Variants in FOXN1 observed in about 807,000 individuals in gnomAD.
FOXN1 encodes forkhead box N1.
In FOXN1, 15 loss-of-function variants were observed where a neutral mutation model predicts 49.0. That is an observed-to-expected ratio of 0.31 (90% CI 0.20 to 0.47). The LOEUF is 0.47. Among genes scored for constraint, FOXN1 ranks in the 20% least tolerant of loss-of-function variants. The pLI is 1.00. For synonymous variants in FOXN1, 356 were observed against 369.0 expected, an observed-to-expected ratio of 0.96 and a Z score of 0.40; for missense variants, 800 against 842.8, an observed-to-expected ratio of 0.95 and a Z score of 0.63.
chr17:28,512,064 G>A (rs1310720499), intron 1 of FOXN1, among the ~76,000 whole-genome samples: 3 of 152,182 alleles, frequency 2.0e-5, no homozygotes, highest in African/African-American at 4.8e-5. Context: ...GGGACCCAGA[G>A]CTAATGAGTG....
At chr17:28,533,489 C>G (rs867906026) in intron 6 of FOXN1, among the ~76,000 whole-genome samples, 21 of 150,366 alleles carry the variant, frequency 1.4e-4, no homozygotes, top group South Asian at 1.0e-3. Flanking sequence ...ACGAGCACCC[C>G]CCCCCACTGC....
At chr17:28,518,092 C>T (rs1417725690) in intron 1 of FOXN1, among the ~76,000 whole-genome samples, 1 of 151,998 alleles carries the variant, frequency 6.6e-6, no homozygotes, top group Admixed American at 6.6e-5. Flanking sequence ...GGATCCATAC[C>T]TCCACAGGGT....
At chr17:28,513,280 CA>C (rs1300762128) in intron 1 of FOXN1, among the ~76,000 whole-genome samples, 1 of 151,712 alleles carries the variant, frequency 6.6e-6, no homozygotes, top group Non-Finnish European at 1.5e-5. Flanking sequence ...AACAAACAAA[CA>C]AAAAAAACCA....
At chr17:28,515,410 A>G (rs1191846018) in intron 1 of FOXN1, among the ~76,000 whole-genome samples, 4 of 151,476 alleles carry the variant, frequency 2.6e-5, no homozygotes, top group Non-Finnish European at 5.9e-5. Context: ...ACAGGTGTGC[A>G]CATTTCCAAA....
In FOXN1 at chr17:28,523,792, TTCTCTC is replaced by T. The variant is rs10527420; in HGVS notation, c.-14-129_-14-124del. On this transcript the variant is annotated intron_variant, in intron 1 of 8. Coordinates refer to ENST00000579795, the MANE Select transcript of FOXN1 (RefSeq NM_001369369.1). ...TCTCTTTCTCTCTCTCGCTCTCTGG[TTCTCTC>T]TCTCTCTCTCTCTCTCTCTCTCTCT... 4,991 of 649,976 alleles carry T rather than the reference TTCTCTC, an allele frequency of 7.7e-3. 14 individuals are homozygous for T. The highest frequency in any genetic ancestry group is 0.019 in the African/African-American group (970 of 51,736). 40.3% of individuals were successfully genotyped at this position (649,976 alleles called of 1,614,324 possible). A position where few individuals can be genotyped will look rare whatever the true frequency, so the allele number is the denominator to read the frequency against.
intron 1 of FOXN1, among the ~76,000 whole-genome samples, chr17:28,521,824 A>C (rs554115056): frequency 6.6e-6 from 1 of 152,344 alleles, no homozygotes; most frequent in African/African-American, 2.4e-5. Context: ...TTGATGGTTT[A>C]TTCAGCAAAG....
Position 28,524,550 on chromosome 17 carries a change from A to G in FOXN1, c.171A>G (p.Pro57=), listed in dbSNP as rs142380525. The G allele has an allele frequency of 2.2e-5, 35 of 1,613,566 alleles. No individual in the cohort carries two copies. The highest frequency in any genetic ancestry group is 1.7e-4 in the Admixed American group (10 of 60,000). The change falls in exon 3 of 9, where the codon CCA becomes CCG. Residue 57 remains proline (P), a synonymous_variant. Coordinates refer to ENST00000579795, the MANE Select transcript of FOXN1 (RefSeq NM_001369369.1). ...CGTCATTTGTGTCCGACGGCCCTCC[A>G]GAGAGGACACCCTCACTGCCCCCAC... ...SCSSFVSDGP[P]ERTPSLPPHS...
At chr17:28,528,705 C>T (rs1422120766) in intron 4 of FOXN1, among the ~76,000 whole-genome samples, 1 of 152,202 alleles carries the variant, frequency 6.6e-6, no homozygotes, top group Non-Finnish European at 1.5e-5. Flanking sequence ...GCCCAGCAAA[C>T]GCCCAGGCTG....
At chr17:28,531,358 C>A (rs2069909687) in intron 6 of FOXN1, among the ~76,000 whole-genome samples, 1 of 152,094 alleles carries the variant, frequency 6.6e-6, no homozygotes, top group African/African-American at 2.4e-5. Flanking sequence ...TGTGGGCTTC[C>A]CAGTCTTTGA....
rs1009025318 is a variant in FOXN1 at position 28,524,419 on chromosome 17, A to T, written c.124-84A>T. 8.3e-6 allele frequency: 10 copies of T among 1,200,704 alleles called. No individual in the cohort carries two copies. In the African/African-American group the frequency reaches 1.5e-4, roughly 18 times the overall value. The allele number at this position is 1,200,704 out of a possible 1,614,324, so 74.4% of individuals were successfully genotyped here. ...CAGAGCTCAGCCATAGACCCCCTTTACCCCAGAACAGAGTAGGGTCCCAGC... is the reference window on the plus strand; with the variant it reads ...CAGAGCTCAGCCATAGACCCCCTTTTCCCCAGAACAGAGTAGGGTCCCAGC... On this transcript the variant is annotated intron_variant, in intron 2 of 8. Transcript: ENST00000579795.
intron 6 of FOXN1, among the ~76,000 whole-genome samples, chr17:28,532,603 G>C (rs1245713327): frequency 6.6e-6 from 1 of 152,222 alleles, no homozygotes; most frequent in Non-Finnish European, 1.5e-5. Flanking sequence ...AAATTCCTTA[G>C]TTCAAAGATC....
rs1468864529 is a variant in FOXN1, at chr17:28,524,732, G to A, written c.353G>A (p.Gly118Asp). ...AGCAGCCCTGGGCGATTCCTCAAGG[G>A]CAGCCACGCGCCCTTCCACCCGTAC... is the stretch of plus-strand genomic sequence containing the variant. ...AASSPGRFLK[G>D]SHAPFHPYKR... Residue 118 changes from glycine (G) to aspartate (D), a missense_variant, in exon 3 of 9, where the codon GGC becomes GAC. By Grantham distance (94) the Gly-to-Asp change is moderately conservative. Transcript: ENST00000579795. 1.9e-6 allele frequency: 3 copies of A among 1,612,530 alleles called. No individual in the cohort carries two copies. Among genetic ancestry groups the A allele is most frequent in the African/African-American group, 1.3e-5 (1 of 74,886 alleles).
intron 1 of FOXN1, among the ~76,000 whole-genome samples, chr17:28,523,631 G>T (rs2069687781): frequency 6.6e-6 from 1 of 152,164 alleles, no homozygotes; most frequent in East Asian, 1.9e-4. Context: ...TGGGAGCCGG[G>T]GTTTCACTGG....
intron 1 of FOXN1, among the ~76,000 whole-genome samples, chr17:28,517,652 C>G (rs1274246366): frequency 1.3e-5 from 1 of 75,160 alleles, no homozygotes; most frequent in Non-Finnish European, 2.9e-5. Context: ...GTACAGACCT[C>G]CACAGGGTAC....
chr17:28,524,363 G>A, intron 2 of FOXN1, 140 bp from the exon 3 acceptor site: 1 of 817,720 alleles, frequency 1.2e-6, no homozygotes, highest in Non-Finnish European at 2.0e-6. Flanking sequence ...CCAAGGGTAG[G>A]CTATTTCTTC....
At position 28,521,572 on chromosome 17, in the gene FOXN1, C is replaced by G. The variant is rs973778574; in HGVS notation, c.-14-2384C>G. 5.8e-4 allele frequency among the ~76,000 whole-genome samples: 89 copies of G among 152,234 alleles called. 1 individual carries two copies. The highest frequency in any genetic ancestry group is 5.4e-3 in the Admixed American group (82 of 15,290). ...CTGTGGTGTCCCGTTACGGCCAGCT[C>G]GGCGCTTCCCTGGTCACGCCACATT... On this transcript the variant is annotated intron_variant, in intron 1 of 8. Transcript: ENST00000579795.
chr17:28,517,505 G>T (rs112224812), intron 1 of FOXN1, among the ~76,000 whole-genome samples: 3 of 147,198 alleles, frequency 2.0e-5, no homozygotes, highest in African/African-American at 7.6e-5. Context: ...AACTCCACAG[G>T]GTACACACCT....
At position 28,537,391 on chromosome 17, in the gene FOXN1, C is replaced by T; in HGVS notation, c.1902C>T (p.Pro634=). 1 of 1,613,202 alleles carries T rather than the reference C, an allele frequency of 6.2e-7. No individual in the cohort carries two copies. The highest frequency in any genetic ancestry group is 8.5e-7 in the Non-Finnish European group (1 of 1,179,726). ...CGCCCCCCACGGCCCCTGCAGGCCC[C>T]TCTGTGTACCTCAGCCCCAGCTCCA... ...EPTPPTAPAG[P]SVYLSPSSKP... is the part of the protein sequence containing the mutation. The change falls in exon 9 of 9, where the codon CCC becomes CCT. Residue 634 remains proline (P), a synonymous_variant. Coordinates refer to ENST00000579795, the MANE Select transcript of FOXN1 (RefSeq NM_001369369.1).
intron 6 of FOXN1, among the ~76,000 whole-genome samples, chr17:28,533,366 C>T (rs2069960898): frequency 6.8e-6 from 1 of 146,402 alleles, no homozygotes; most frequent in South Asian, 2.1e-4. Context: ...GGCACTCCCG[C>T]CACCGCCTCT....
Sources: allele counts gnomAD v4.1 joint callset (sites outside exome capture counted in the v4.1 genomes callset), GRCh38; gene constraint gnomAD v4.1.1; transcripts MANE v1.5; gene names NCBI Gene and HGNC (gene_info 2026-07-23, HGNC 2026-07-21).